The following ILK variants were observed in gnomAD, a reference collection of about 807,000 sequenced individuals.
ILK encodes the protein integrin linked kinase, also known as scaffold protein ILK.
A neutral mutation model predicts 57.8 loss-of-function variants in ILK; 37 were observed. That is an observed-to-expected ratio of 0.64 (90% CI 0.49 to 0.84). The LOEUF (loss-of-function observed/expected upper bound fraction) is 0.84, where lower values mean the gene tolerates loss of function less well. Ranked by LOEUF, ILK falls within the 40% of genes least tolerant of loss-of-function variation. The pLI, the probability that ILK is intolerant of heterozygous loss-of-function variation, is 0.00. For missense variants in ILK, 528 were observed against 595.7 expected, an observed-to-expected ratio of 0.89 and a Z score of 1.18; for synonymous variants, 231 against 202.2, an observed-to-expected ratio of 1.14 and a Z score of -1.21.
Position 6,609,817 on chromosome 11 carries a change from G to A in ILK, c.950G>A (p.Arg317Gln), listed in dbSNP as rs770233845. 3.1e-6 allele frequency: 5 copies of A among 1,614,026 alleles called. No homozygotes were observed. The highest frequency in any genetic ancestry group is 1.3e-5 in the African/African-American group (1 of 74,912). Residue 317 changes from arginine to glutamine, a missense_variant, in exon 10 of 13, where the codon CGA (arginine) becomes CAA (glutamine). Transcript: ENST00000299421. The part of the protein sequence containing the change: ...FLHTLEPLIP[R>Q]HALNSRSVMI... The stretch of plus-strand genomic sequence containing the variant: ...CACACACTAGAGCCCCTCATCCCAC[G>A]ACATGCACTCAATAGCCGTAGTGTA...
chr11:6,608,768 A>G lies in ILK; in HGVS notation c.426A>G (p.Ala142=). 6.2e-7 allele frequency: 1 copy of G among 1,613,764 alleles called. No homozygotes were observed. The highest frequency in any genetic ancestry group is 8.5e-7 in the Non-Finnish European group (1 of 1,179,918). ...YGEMPVDKAK[A]PLRELLRERA... The stretch of plus-strand genomic sequence containing the variant: ...AGATGCCTGTGGACAAAGCCAAGGC[A>G]CCCCTGAGAGAGCTTCTCCGAGGTC... The change falls in exon 5 of 13, where the codon GCA becomes GCG. Residue 142 remains alanine (A), a synonymous_variant. Coordinates refer to ENST00000299421, the MANE Select transcript of ILK (RefSeq NM_004517.4). The surrounding 1 kb of genome is among the most constrained non-coding windows in gnomAD (Gnocchi z 4.9).
At position 6,608,102 on chromosome 11, in the gene ILK, T is replaced by C. The variant is rs201499797; in HGVS notation, c.146T>C (p.Val49Ala). ...GCCTGCCGAGAGGGCCGCTCTGCTG[T>C]GGTTGAGATGTTGATCATGCGGGGG... is the stretch of plus-strand genomic sequence containing the variant. ...HWACREGRSAVVEMLIMRGAR... is the reference protein window; with the variant it reads ...HWACREGRSAAVEMLIMRGAR... Residue 49 changes from valine to alanine, a missense_variant, in exon 3 of 13, where the codon GTG (valine) becomes GCG (alanine). Physicochemically the swap from Val to Ala is moderately conservative, Grantham distance 64. Coordinates refer to ENST00000299421, the MANE Select transcript of ILK (RefSeq NM_004517.4). The surrounding 1 kb of genome is among the most constrained non-coding windows in gnomAD (Gnocchi z 4.9). 3 of 1,614,126 alleles carry C rather than the reference T, an allele frequency of 1.9e-6. No individual in the cohort carries two copies. Among genetic ancestry groups the C allele is most frequent in the Non-Finnish European group, 2.5e-6 (3 of 1,180,022 alleles).
rs770689583 is a variant in ILK, at chr11:6,608,248, A to C, written c.255+37A>C. The C allele has an allele frequency of 8.7e-6, 14 of 1,610,970 alleles. No individual in the cohort carries two copies. Among genetic ancestry groups the C allele is most frequent in the Non-Finnish European group, 1.2e-5 (14 of 1,177,164 alleles). On this transcript the variant is annotated intron_variant, in intron 3 of 12. Coordinates refer to ENST00000299421, the MANE Select transcript of ILK (RefSeq NM_004517.4). The surrounding 1 kb of genome is among the most constrained non-coding windows in gnomAD (Gnocchi z 4.9). ...CTCCTTCGTCATCCACATCACATAC[A>C]TGCCATGAGGGTCAGTCACAGGCAC...
Position 6,609,629 on chromosome 11 carries a change from T to C in ILK, c.846T>C (p.His282=), listed in dbSNP as rs762044821. The C allele has an allele frequency of 4.3e-6, 7 of 1,614,072 alleles. No individual in the cohort carries two copies. The East Asian group carries it at 1.1e-4, about 26-fold the overall frequency. The change falls in exon 9 of 13, where the codon CAT becomes CAC. Residue 282 remains histidine, a synonymous_variant. Transcript: ENST00000299421. ...ATGGATCCCTCTACAATGTACTACA[T>C]GAAGGCACCAGTGAGTAGGGATGTT... ...MPYGSLYNVL[H]EGTNFVVDQS...
Position 6,609,639 on chromosome 11 carries a change from A to G in ILK, c.856A>G (p.Asn286Asp), listed in dbSNP as rs1334974997. The change falls in exon 9 of 13, where the codon AAT becomes GAT. Residue 286 changes from asparagine to aspartate, a missense_variant and splice_region_variant. Coordinates refer to ENST00000299421, the MANE Select transcript of ILK (RefSeq NM_004517.4). The stretch of plus-strand genomic sequence containing the variant: ...CTACAATGTACTACATGAAGGCACC[A>G]GTGAGTAGGGATGTTGAATTTCCTT... ...SLYNVLHEGT[N>D]FVVDQSQAVK... is the part of the protein sequence containing the mutation. 3 of 1,614,224 alleles carry G rather than the reference A, an allele frequency of 1.9e-6. No homozygotes were observed. Among genetic ancestry groups the G allele is most frequent in the Non-Finnish European group, 1.7e-6 (2 of 1,180,034 alleles).
chr11:6,608,300 G>A lies in ILK; in HGVS notation c.255+89G>A, dbSNP rs2048092. On this transcript the variant is annotated intron_variant, in intron 3 of 12. Transcript: ENST00000299421. The surrounding 1 kb of genome is among the most constrained non-coding windows in gnomAD (Gnocchi z 4.9). Reference sequence around the variant, plus strand: ...GTAACATACAGTAGAAAGCATGTGTGCTCTTCCCCCTTTTCCCATGCCCTG... The same window carrying A: ...GTAACATACAGTAGAAAGCATGTGTACTCTTCCCCCTTTTCCCATGCCCTG... 0.51 allele frequency: 791,268 copies of A among 1,560,656 alleles called. 202,421 individuals carry two copies. Among genetic ancestry groups the A allele is most frequent in the African/African-American group, 0.55 (40,363 of 73,790 alleles).
In ILK at chr11:6,608,288, G is replaced by A; in HGVS notation, c.255+77G>A. Reference sequence around the variant, plus strand: ...GTCACAGGCACTGTAACATACAGTAGAAAGCATGTGTGCTCTTCCCCCTTT... The same window carrying A: ...GTCACAGGCACTGTAACATACAGTAAAAAGCATGTGTGCTCTTCCCCCTTT... On this transcript the variant is annotated intron_variant, in intron 3 of 12. Transcript: ENST00000299421. The surrounding 1 kb of genome is among the most constrained non-coding windows in gnomAD (Gnocchi z 4.9). The A allele has an allele frequency of 6.4e-7, 1 of 1,572,502 alleles. No individual in the cohort carries two copies. Among genetic ancestry groups the A allele is most frequent in the South Asian group, 1.1e-5 (1 of 90,206 alleles).
chr11:6,607,585 A>G (rs1324159714), intron 2 of ILK: 7 of 221,426 alleles, frequency 3.2e-5, no homozygotes, highest in Non-Finnish European at 5.5e-5. Context: ...TCCCCCACTA[A>G]CATGCACTGA....
At chr11:6,610,320 G>A in intron 12 of ILK, 42 bp downstream of exon 12, 1 of 1,613,826 alleles carries the variant, frequency 6.2e-7, no homozygotes, top group Non-Finnish European at 8.5e-7. Flanking sequence ...GGGAGTGGTT[G>A]GTGATGGTGA....
At chr11:6,606,051 G>A (rs1020466703) in intron 2 of ILK, among the ~76,000 whole-genome samples, 1 of 152,190 alleles carries the variant, frequency 6.6e-6, no homozygotes, top group South Asian at 2.1e-4. Flanking sequence ...GCGTGCGCCT[G>A]TAATCCCAGC....
intron 2 of ILK, chr11:6,607,574 C>T (rs1302132984): frequency 5.5e-6 from 1 of 181,904 alleles, no homozygotes; most frequent in Non-Finnish European, 1.2e-5. Context: ...AGACACCCTT[C>T]TCCCCCACTA....
chr11:6,605,513 GTTT>G (rs10706340), intron 2 of ILK, among the ~76,000 whole-genome samples: 3,391 of 148,030 alleles, frequency 0.023, 85 homozygotes, highest in African/African-American at 0.059. Context: ...TTACAGTTGG[GTTT>G]TTTTTTTTTA....
chr11:6,605,680 G>A (rs970683286), intron 2 of ILK, among the ~76,000 whole-genome samples: 4 of 152,092 alleles, frequency 2.6e-5, no homozygotes, highest in African/African-American at 7.2e-5. Flanking sequence ...CACTCTGGTA[G>A]GCCCCAGTGT....
In ILK at chr11:6,608,061, C is replaced by A; in HGVS notation, c.105C>A (p.Phe35Leu). The A allele has an allele frequency of 6.2e-7, 1 of 1,613,394 alleles. No homozygotes were observed. The highest frequency in any genetic ancestry group is 8.5e-7 in the Non-Finnish European group (1 of 1,179,930). Residue 35 changes from phenylalanine to leucine, a missense_variant, in exon 3 of 13, where the codon TTC (phenylalanine) becomes TTA (leucine). By Grantham distance (22) the Phe-to-Leu change is conservative. Coordinates refer to ENST00000299421, the MANE Select transcript of ILK (RefSeq NM_004517.4). This position sits in a 1 kb window ranked among gnomAD's most constrained non-coding sequence, Gnocchi z 4.9. ...NDLNQGDDHG[F>L]SPLHWACREG... ...TTCCTCAAAGGGACGATCATGGCTT[C>A]TCCCCCTTGCACTGGGCCTGCCGAG...
intron 2 of ILK, 53 bp from the exon 3 acceptor site, chr11:6,607,993 A>C (rs1855096084): frequency 1.3e-6 from 2 of 1,591,624 alleles, no homozygotes; most frequent in Non-Finnish European, 8.6e-7. Flanking sequence ...CAGGAATCAA[A>C]ACCTTTGCCC....
chr11:6,604,698 T>C (rs1854656885), intron 2 of ILK: 1 of 478,604 alleles, frequency 2.1e-6, no homozygotes, highest in Admixed American at 3.0e-5. Context: ...GGTCGGAGCA[T>C]TGGGTACAAG....
In ILK at chr11:6,608,140, G is replaced by A. The variant is rs768146142; in HGVS notation, c.184G>A (p.Val62Ile). The change falls in exon 3 of 13, where the codon GTA (valine) becomes ATA (isoleucine). Residue 62 changes from valine (V) to isoleucine (I), a missense_variant. By Grantham distance (29) the Val-to-Ile change is conservative (BLOSUM62 3). Coordinates refer to ENST00000299421, the MANE Select transcript of ILK (RefSeq NM_004517.4). The surrounding 1 kb of genome is among the most constrained non-coding windows in gnomAD (Gnocchi z 4.9). ...GATCATGCGGGGGGCACGGATCAAT[G>A]TAATGAACCGTGGGGATGACACCCC... ...MLIMRGARIN[V>I]MNRGDDTPLH... The A allele has an allele frequency of 2.5e-5, 41 of 1,613,966 alleles. No individual in the cohort carries two copies. In the Admixed American group the frequency reaches 3.3e-4, roughly 13 times the overall value.
At chr11:6,605,958 G>A (rs1245675550) in intron 2 of ILK, among the ~76,000 whole-genome samples, 5 of 152,114 alleles carry the variant, frequency 3.3e-5, no homozygotes, top group Non-Finnish European at 2.9e-5. Context: ...GGTGGATCAC[G>A]AGGTCAGGAG....
Position 6,609,800 on chromosome 11 carries a change from A to AGAG in ILK, c.934_936dup (p.Glu312dup). The AGAG allele has an allele frequency of 6.2e-7, 1 of 1,614,148 alleles. No homozygotes were observed. The highest frequency in any genetic ancestry group is 8.5e-7 in the Non-Finnish European group (1 of 1,180,018). The stretch of plus-strand genomic sequence containing the variant: ...GGGGCATGGCCTTCCTACACACACT[A>AGAG]GAGCCCCTCATCCCACGACATGCAC... On this transcript the variant is annotated inframe_insertion, in exon 10 of 13. Transcript: ENST00000299421.
Sources: allele counts gnomAD v4.1 joint callset (sites outside exome capture counted in the v4.1 genomes callset), GRCh38; gene constraint gnomAD v4.1.1; non-coding constraint Gnocchi (gnomAD v3.1); transcripts MANE v1.5; gene names NCBI Gene and HGNC (gene_info 2026-07-23, HGNC 2026-07-21).